Variants in BFSP1 observed in about 807,000 individuals in gnomAD.
BFSP1 encodes filensin.
Under a neutral mutation model 43.9 loss-of-function variants are expected in BFSP1, and 38 were observed. The observed-to-expected ratio is 0.87, with a 90% CI of 0.67 to 1.14. BFSP1 has a LOEUF of 1.14. Among genes scored for constraint, BFSP1 ranks in the 50% most tolerant of loss-of-function variants. The probability of loss-of-function intolerance (pLI) is 0.00; values close to 1 mark genes in which losing one functional copy is unlikely to be tolerated. For synonymous variants in BFSP1, 352 were observed against 354.8 expected (o/e 0.99, Z 0.09); for missense variants, 850 against 875.1 (o/e 0.97, Z 0.36).
Position 17,530,985 on chromosome 20 carries a change from C to G in BFSP1, c.345G>C (p.Glu115Asp). The change falls in exon 1 of 8, where the codon GAG becomes GAC. Residue 115 changes from glutamate to aspartate, a missense_variant. Transcript: ENST00000377873. ...ERARLERQGT[E>D]AQRALDEFRS... ...GGAACTCGTCGAGCGCGCGCTGCGC[C>G]TCGGTGCCCTGGCGCTCCAGCCGGG... is the stretch of plus-strand genomic sequence containing the variant. 6.9e-7 allele frequency: 1 copy of G among 1,438,984 alleles called. No individual in the cohort carries two copies. Among genetic ancestry groups the G allele is most frequent in the Non-Finnish European group, 9.1e-7 (1 of 1,100,024 alleles). 89.1% of individuals were successfully genotyped at this position (1,438,984 alleles called of 1,614,324 possible).
At chr20:17,506,931 G>A (rs999227697) in intron 5 of BFSP1, 6 of 152,192 alleles carry the variant, frequency 3.9e-5, no homozygotes, top group African/African-American at 9.7e-5. Flanking sequence ...AGGCAGCACA[G>A]AAGAGATGTT....
Position 17,531,157 on chromosome 20 carries a change from G to C in BFSP1, c.173C>G (p.Ala58Gly). 7.7e-7 allele frequency: 1 copy of C among 1,304,016 alleles called. No homozygotes were observed. The highest frequency in any genetic ancestry group is 9.7e-7 in the Non-Finnish European group (1 of 1,029,110). The allele number at this position is 1,304,016 out of a possible 1,614,324, so 80.8% of individuals were successfully genotyped here. A position where few individuals can be genotyped will look rare whatever the true frequency, so the allele number is the denominator to read the frequency against. ...GERVAAHVQRARALEQRHAGL... is the reference protein window; with the variant it reads ...GERVAAHVQRGRALEQRHAGL... ...GGCATGGCGCTGCTCGAGGGCGCGGGCCCGCTGGACGTGGGCGGCCACGCG... is the reference window on the plus strand; with the variant it reads ...GGCATGGCGCTGCTCGAGGGCGCGGCCCCGCTGGACGTGGGCGGCCACGCG... Residue 58 changes from alanine (A) to glycine (G), a missense_variant, in exon 1 of 8, where the codon GCC becomes GGC. Ala to Gly is a moderately conservative substitution (Grantham distance 60). Transcript: ENST00000377873.
chr20:17,520,113 C>T (rs532432072), intron 2 of BFSP1, among the ~76,000 whole-genome samples: 1 of 152,252 alleles, frequency 6.6e-6, no homozygotes, highest in East Asian at 1.9e-4. Flanking sequence ...GATCACAACA[C>T]CTGGGAACGG....
At chr20:17,519,261 G>A (rs1298621550) in intron 2 of BFSP1, among the ~76,000 whole-genome samples, 2 of 152,146 alleles carry the variant, frequency 1.3e-5, no homozygotes, top group African/African-American at 4.8e-5. Context: ...TGGGGTCACT[G>A]GTCCTCAAAC....
At chr20:17,497,521 T>C (rs576647895) in intron 6 of BFSP1, among the ~76,000 whole-genome samples, 30 of 148,116 alleles carry the variant, frequency 2.0e-4, no homozygotes, top group Non-Finnish European at 4.3e-4. Flanking sequence ...CGTATATATA[T>C]ACACACACGT....
intron 1 of BFSP1, among the ~76,000 whole-genome samples, chr20:17,568,792 T>C (rs1253038377): frequency 1.3e-5 from 2 of 151,900 alleles, no homozygotes; most frequent in African/African-American, 4.9e-5. Context: ...ACCTAGATTT[T>C]ACGTAGTGCC....
Position 17,511,969 on chromosome 20 carries a change from T to A in BFSP1, c.627+7A>T, listed in dbSNP as rs2034092008. On this transcript the variant is annotated splice_region_variant and intron_variant, in intron 4 of 7. Transcript: ENST00000377873. ...GCTGGTTTGCCTTTTCCTGCTTCAA[T>A]TCTTACCTCCCTCATCCCACTCGTC... The A allele has an allele frequency of 6.3e-7, 1 of 1,595,298 alleles. No homozygotes were observed. Among genetic ancestry groups the A allele is most frequent in the African/African-American group, 1.3e-5 (1 of 74,604 alleles).
intron 3 of BFSP1, among the ~76,000 whole-genome samples, chr20:17,512,412 A>G (rs2034107206): frequency 6.6e-6 from 1 of 152,108 alleles, no homozygotes; most frequent in Admixed American, 6.5e-5. Flanking sequence ...GCACAAAAAA[A>G]AAAAGAGAAA....
At chr20:17,530,202 T>C (rs904336374) in intron 1 of BFSP1, among the ~76,000 whole-genome samples, 7 of 152,142 alleles carry the variant, frequency 4.6e-5, no homozygotes, top group East Asian at 1.9e-4. Context: ...ATCAAGACAC[T>C]AGAGGACACA....
At chr20:17,498,151 C>T (rs1209390449) in intron 6 of BFSP1, among the ~76,000 whole-genome samples, 1 of 152,112 alleles carries the variant, frequency 6.6e-6, no homozygotes, top group Non-Finnish European at 1.5e-5. Context: ...TTCATTCAGT[C>T]GAAACCCAGG....
chr20:17,513,997 ACACCC>A (rs2034144071), intron 3 of BFSP1, among the ~76,000 whole-genome samples: 1 of 152,200 alleles, frequency 6.6e-6, no homozygotes. Flanking sequence ...GAGTTCCCCA[ACACCC>A]CACTACAGGC....
chr20:17,509,023 T>G (rs907480851), intron 4 of BFSP1, 27 bp from the exon 5 acceptor site: 4 of 1,501,878 alleles, frequency 2.7e-6, no homozygotes, highest in African/African-American at 1.4e-5. Flanking sequence ...AGAGTCAGAC[T>G]CATGGGACAT....
At position 17,494,815 on chromosome 20, in the gene BFSP1, T is replaced by C; in HGVS notation, c.1257A>G (p.Val419=). 2 of 1,614,218 alleles carry C rather than the reference T, an allele frequency of 1.2e-6. No homozygotes were observed. The highest frequency in any genetic ancestry group is 1.7e-6 in the Non-Finnish European group (2 of 1,180,034). The change falls in exon 8 of 8, where the codon GTA becomes GTG. Residue 419 remains valine (V), a synonymous_variant. Coordinates refer to ENST00000377873, the MANE Select transcript of BFSP1 (RefSeq NM_001195.5). ...GAGCCCCTTCTTGTGTCAGGGGACTTACTTCTTTACTTTCTGATTCAAACT... is the reference window on the plus strand; with the variant it reads ...GAGCCCCTTCTTGTGTCAGGGGACTCACTTCTTTACTTTCTGATTCAAACT... ...ESKFESESKE[V]SPLTQEGAPE...
intron 1 of BFSP1, among the ~76,000 whole-genome samples, chr20:17,567,506 C>T (rs2035132843): frequency 6.6e-6 from 1 of 152,118 alleles, no homozygotes. Flanking sequence ...TAAGACTCCA[C>T]CCCTCAACCC....
chr20:17,505,976 G>C (rs1289077063), intron 5 of BFSP1, among the ~76,000 whole-genome samples: 1 of 152,210 alleles, frequency 6.6e-6, no homozygotes, highest in Non-Finnish European at 1.5e-5. Context: ...TATAATTAAA[G>C]TTCTTAATCA....
intron 1 of BFSP1, among the ~76,000 whole-genome samples, chr20:17,527,701 C>G (rs936050186): frequency 3.3e-5 from 5 of 151,756 alleles, no homozygotes; most frequent in African/African-American, 9.7e-5. Context: ...GCACTCCAGG[C>G]TGGGTGACAG....
At chr20:17,514,957 A>AGGGAAAACGCACAAAGG in intron 2 of BFSP1, 141 bp from the exon 3 acceptor site, 1 of 701,706 alleles carries the variant, frequency 1.4e-6, no homozygotes. Flanking sequence ...GGGGTCTGAG[A>AGGGAAAACGCACAAAGG]TTATGCATTC....
chr20:17,557,329 G>T (rs1164634117), intron 1 of BFSP1, among the ~76,000 whole-genome samples: 1 of 152,222 alleles, frequency 6.6e-6, no homozygotes, highest in Non-Finnish European at 1.5e-5. Flanking sequence ...AAGGGCCTTT[G>T]AATACAGCGC....
At chr20:17,511,941 AG>A in intron 4 of BFSP1, 34 bp downstream of exon 4, 1 of 1,542,924 alleles carries the variant, frequency 6.5e-7, no homozygotes, top group Non-Finnish European at 9.0e-7. Context: ...GCTTCCCTCC[AG>A]GGCTGGTTTG....
Sources: gnomAD v4.1 joint callset for allele counts (sites outside exome capture counted in the v4.1 genomes callset) on GRCh38, gnomAD v4.1.1 for gene constraint, MANE v1.5 for transcripts, NCBI Gene and HGNC (gene_info 2026-07-23, HGNC 2026-07-21) for gene names.